The following ZC3H14 variants were observed in gnomAD, a reference collection of about 807,000 sequenced individuals.
The protein encoded by ZC3H14 is zinc finger CCCH-type containing 14, also known as zinc finger CCCH domain-containing protein 14.
ZC3H14 carries 31 observed loss-of-function variants against 92.4 expected under a neutral mutation model. The observed-to-expected ratio is 0.34, with a 90% CI of 0.25 to 0.45. ZC3H14 has a LOEUF of 0.45. ZC3H14 is among the 20% of genes least tolerant of loss of function. ZC3H14 has a pLI of 1.00. For missense variants in ZC3H14, 781 were observed against 897.3 expected (o/e 0.87, Z 1.66); for synonymous variants, 321 against 300.9 (o/e 1.07, Z -0.69).
chr14:88,611,882 C>T lies in ZC3H14; in HGVS notation c.*131C>T. 3.2e-6 allele frequency: 4 copies of T among 1,261,564 alleles called. No individual in the cohort carries two copies. Among genetic ancestry groups the T allele is most frequent in the South Asian group, 2.6e-5 (2 of 75,710 alleles). The allele number at this position is 1,261,564 out of a possible 1,614,324, so 78.1% of individuals were successfully genotyped here. A position where few individuals can be genotyped will look rare whatever the true frequency, so the allele number is the denominator to read the frequency against. On this transcript the variant is annotated 3_prime_UTR_variant, in exon 17 of 17. Coordinates refer to ENST00000251038, the MANE Select transcript of ZC3H14 (RefSeq NM_024824.5). Reference sequence around the variant, plus strand: ...CTTTCATAATATGAAGTTTTATTGCCTATCTATCTGAAGTGTCTAATTTTT... The same window carrying T: ...CTTTCATAATATGAAGTTTTATTGCTTATCTATCTGAAGTGTCTAATTTTT...
intron 9 of ZC3H14, among the ~76,000 whole-genome samples, chr14:88,583,170 C>T (rs1424903774): frequency 6.8e-6 from 1 of 146,524 alleles, no homozygotes; most frequent in African/African-American, 2.5e-5. Context: ...GTCTCACTGT[C>T]ACCTAGGCTA....
chr14:88,595,980 A>G (rs1399041465), intron 9 of ZC3H14, among the ~76,000 whole-genome samples: 1 of 152,220 alleles, frequency 6.6e-6, no homozygotes, highest in Non-Finnish European at 1.5e-5. Flanking sequence ...ACATTCTCCC[A>G]TCCTCAAGGA....
chr14:88,618,138 C>G lies in ZC3H14; in HGVS notation c.*6387C>G, dbSNP rs2088055204. On this transcript the variant is annotated 3_prime_UTR_variant, in exon 17 of 17. Transcript: ENST00000251038. ...AAAACTTGAAACTCAATTACTATTC[C>G]TTATTGGAATGGCTCTAACAGTTCA... 9.5e-7 allele frequency: 1 copy of G among 1,047,914 alleles called. No individual in the cohort carries two copies. Among genetic ancestry groups the G allele is most frequent in the South Asian group, 1.6e-5 (1 of 62,910 alleles). 64.9% of individuals were successfully genotyped at this position (1,047,914 alleles called of 1,614,324 possible). A position where few individuals can be genotyped will look rare whatever the true frequency, so the allele number is the denominator to read the frequency against.
intron 9 of ZC3H14, among the ~76,000 whole-genome samples, chr14:88,585,375 C>G (rs1355807896): frequency 9.4e-6 from 1 of 106,394 alleles, no homozygotes; most frequent in African/African-American, 3.4e-5. Flanking sequence ...CCTTCCCTTT[C>G]TGTTCTTTTT....
At chr14:88,566,028 G>A (rs80233152) in intron 2 of ZC3H14, among the ~76,000 whole-genome samples, 2 of 2,710 alleles carry the variant, frequency 7.4e-4, no homozygotes, top group African/African-American at 1.5e-3. Context: ...CCACCACCCC[G>A]CCCCCCCCCC....
In ZC3H14 at chr14:88,568,118, G is replaced by A. The variant is rs776500745; in HGVS notation, c.159G>A (p.Leu53=). 5.6e-6 allele frequency: 9 copies of A among 1,614,014 alleles called. No homozygotes were observed. The East Asian group carries it at 2.0e-4, about 36-fold the overall frequency. The change falls in exon 3 of 17, where the codon CTG becomes CTA. Residue 53 remains leucine (L), a synonymous_variant. Coordinates refer to ENST00000251038, the MANE Select transcript of ZC3H14 (RefSeq NM_024824.5). ...SQDQMTEDLS[L]FLGNNTIRFT... ...ACCAAATGACAGAGGATCTGTCCCTGTTTCTAGGGAACAACACAATTCGAT... is the reference window on the plus strand; with the variant it reads ...ACCAAATGACAGAGGATCTGTCCCTATTTCTAGGGAACAACACAATTCGAT...
At chr14:88,568,175 C>T in intron 3 of ZC3H14, 22 bp downstream of exon 3, 2 of 1,601,764 alleles carry the variant, frequency 1.2e-6, no homozygotes, top group Non-Finnish European at 1.7e-6. Context: ...AATTTTTGTG[C>T]CTCAGACCAA....
intron 9 of ZC3H14, among the ~76,000 whole-genome samples, chr14:88,585,891 G>C (rs1212448753): frequency 6.6e-6 from 1 of 152,136 alleles, no homozygotes; most frequent in African/African-American, 2.4e-5. Context: ...AAGTTGGGCC[G>C]GGTGCGGTGG....
At chr14:88,583,063 T>C (rs893193305) in intron 9 of ZC3H14, among the ~76,000 whole-genome samples, 17 of 148,790 alleles carry the variant, frequency 1.1e-4, no homozygotes, top group African/African-American at 3.9e-4. Flanking sequence ...TTAACAACAT[T>C]ATTCTGGCTT....
intron 12 of ZC3H14, among the ~76,000 whole-genome samples, chr14:88,606,461 A>C (rs1473526265): frequency 6.6e-6 from 1 of 152,074 alleles, no homozygotes; most frequent in African/African-American, 2.4e-5. Context: ...TGTAGGTAAA[A>C]ATGTTTTCCC....
chr14:88,618,433 T>TC lies in ZC3H14; in HGVS notation c.*6683dup, dbSNP rs2088136476. 8.7e-7 allele frequency: 1 copy of TC among 1,146,864 alleles called. No individual in the cohort carries two copies. Among genetic ancestry groups the TC allele is most frequent in the South Asian group, 1.4e-5 (1 of 72,880 alleles). The allele number at this position is 1,146,864 out of a possible 1,614,324, so 71.0% of individuals were successfully genotyped here. A position where few individuals can be genotyped will look rare whatever the true frequency, so the allele number is the denominator to read the frequency against. ...AGCATATTGCTACTTGATTTACATGTCTAACATTATTAAGTATGCAAAAGA... is the reference window on the plus strand; with the variant it reads ...AGCATATTGCTACTTGATTTACATGTCCTAACATTATTAAGTATGCAAAAGA... On this transcript the variant is annotated 3_prime_UTR_variant, in exon 17 of 17. Transcript: ENST00000251038.
chr14:88,588,504 G>A (rs1219554009), intron 9 of ZC3H14, among the ~76,000 whole-genome samples: 3 of 152,072 alleles, frequency 2.0e-5, no homozygotes, highest in Admixed American at 2.0e-4. Context: ...TTGATGCTGA[G>A]AACTTGGTTG....
intron 9 of ZC3H14, chr14:88,595,185 G>T (rs1217111717): frequency 1.3e-6 from 2 of 1,586,300 alleles, no homozygotes; most frequent in South Asian, 2.3e-5. Context: ...GTTGACTGTA[G>T]CTCTGATGTG....
chr14:88,595,126 TATG>T, intron 9 of ZC3H14: 1 of 1,604,966 alleles, frequency 6.2e-7, no homozygotes, highest in Non-Finnish European at 8.5e-7. Flanking sequence ...ACTCTTAATA[TATG>T]ATATGTTCTA....
rs2086846532 is a variant in ZC3H14 at position 88,611,868 on chromosome 14, T to TGAA, written c.*119_*121dup. The TGAA allele has an allele frequency of 7.0e-7, 1 of 1,421,178 alleles. No individual in the cohort carries two copies. Among genetic ancestry groups the TGAA allele is most frequent in the Non-Finnish European group, 9.8e-7 (1 of 1,020,098 alleles). 88.0% of individuals were successfully genotyped at this position (1,421,178 alleles called of 1,614,324 possible). ...CTTGGAATATATTGCTTTCATAATA[T>TGAA]GAAGTTTTATTGCCTATCTATCTGA... On this transcript the variant is annotated 3_prime_UTR_variant, in exon 17 of 17. Transcript: ENST00000251038.
rs2079185480 is a variant in ZC3H14, at chr14:88,563,683, A to T, written c.69A>T (p.Gly23=). 1.2e-6 allele frequency: 2 copies of T among 1,614,038 alleles called. No homozygotes were observed. The highest frequency in any genetic ancestry group is 3.3e-5 in the Admixed American group (2 of 60,010). The change falls in exon 2 of 17, where the codon GGA becomes GGT. Residue 23 remains glycine, a synonymous_variant. Transcript: ENST00000251038. The part of the protein sequence containing the change: ...SAIKGKLQEL[G]AYVDEELPDY... ...TTAAGGGGAAATTACAAGAATTAGG[A>T]GCTTATGTTGGTAAGTGTTTTTTTG...
At position 88,601,927 on chromosome 14, in the gene ZC3H14, A is replaced by T; in HGVS notation, c.1358A>T (p.Tyr453Phe). The T allele has an allele frequency of 6.2e-7, 1 of 1,614,062 alleles. No individual in the cohort carries two copies. The highest frequency in any genetic ancestry group is 2.2e-5 in the East Asian group (1 of 44,878). Residue 453 changes from tyrosine to phenylalanine, a missense_variant, in exon 11 of 17, where the codon TAC becomes TTC. Physicochemically the swap from Tyr to Phe is conservative, Grantham distance 22 (BLOSUM62 3). This residue lies in a region of ZC3H14 where 454 missense variants were observed against 438.5 expected (regional missense o/e 1.04). Transcript: ENST00000251038. Reference sequence around the variant, plus strand: ...GTGGCCAATTTTTTTGGCTCAGATTACTATGACATGGAATCCATGGTCCAT... The same window carrying T: ...GTGGCCAATTTTTTTGGCTCAGATTTCTATGACATGGAATCCATGGTCCAT... ...MAETLQMSQD[Y>F]YDMESMVHAD...
intron 12 of ZC3H14, among the ~76,000 whole-genome samples, chr14:88,605,285 C>T (rs2085213194): frequency 6.6e-6 from 1 of 152,230 alleles, no homozygotes; most frequent in South Asian, 2.1e-4. Flanking sequence ...AGTCATCTCA[C>T]ATTTTCTTTG....
In ZC3H14 at chr14:88,607,324, G is replaced by C. The variant is rs1566978221; in HGVS notation, c.1829G>C (p.Gly610Ala). The C allele has an allele frequency of 1.2e-6, 2 of 1,613,740 alleles. No homozygotes were observed. The highest frequency in any genetic ancestry group is 4.5e-5 in the East Asian group (2 of 44,862). ...RCKYWPACKN[G>A]DECAYHHPIS... is the part of the protein sequence containing the mutation. The stretch of plus-strand genomic sequence containing the variant: ...AAGTACTGGCCTGCTTGTAAAAATG[G>C]GGATGAGTGTGCCTACCATCACCCC... The change falls in exon 13 of 17, where the codon GGG becomes GCG. Residue 610 changes from glycine (G) to alanine (A), a missense_variant. Coordinates refer to ENST00000251038, the MANE Select transcript of ZC3H14 (RefSeq NM_024824.5).
Sources: gnomAD v4.1 joint callset for allele counts (sites outside exome capture counted in the v4.1 genomes callset) on GRCh38, gnomAD v4.1.1 for gene constraint, gnomAD v4.1.1 regional missense constraint, MANE v1.5 for transcripts, NCBI Gene and HGNC (gene_info 2026-07-23, HGNC 2026-07-21) for gene names.